The following FN1 variants were observed in gnomAD, a reference collection of about 807,000 sequenced individuals.
The protein encoded by FN1 is fibronectin 1.
Under a neutral mutation model 297.3 loss-of-function variants are expected in FN1, and 106 were observed. The ratio of observed to expected loss-of-function variants is 0.36; its 90% CI spans 0.30 to 0.42. FN1 has a LOEUF of 0.42. Ranked by LOEUF, FN1 falls within the 10% of genes least tolerant of loss-of-function variation. The pLI, the probability that FN1 is intolerant of heterozygous loss-of-function variation, is 1.00. For synonymous variants in FN1, 1,149 were observed against 1,152.6 expected (o/e 1.00, Z 0.06); for missense variants, 2,690 against 3,124.9 (o/e 0.86, Z 3.32).
chr2:215,390,780 G>A (rs1171456204), intron 26 of FN1, among the ~76,000 whole-genome samples: 1 of 152,124 alleles, frequency 6.6e-6, no homozygotes, highest in African/African-American at 2.4e-5. Flanking sequence ...TTATGGTCAC[G>A]CTGAGCTGCT....
intron 25 of FN1, 135 bp downstream of exon 25, chr2:215,392,796 T>TC (rs891687336): frequency 1.9e-5 from 18 of 944,860 alleles, no homozygotes; most frequent in African/African-American, 1.3e-4. Context: ...TGATTCCTTA[T>TC]CCCCCCAATC....
In FN1 at chr2:215,385,248, TAAAA is replaced by T. The variant is rs10542238; in HGVS notation, c.4613-276_4613-273del. Reference sequence around the variant, plus strand: ...AAAAATTTCAAAACTACAGAAAAGTTAAAAAAAAAAAAAAAAAAAAAAGTGATAC... The same window carrying T: ...AAAAATTTCAAAACTACAGAAAAGTTAAAAAAAAAAAAAAAAAAGTGATAC... On this transcript the variant is annotated intron_variant, in intron 28 of 45. Coordinates refer to ENST00000354785, the MANE Select transcript of FN1 (RefSeq NM_212482.4). Among the ~76,000 whole-genome samples the T allele has an allele frequency of 0.28, 35,971 of 128,046 alleles. 5,517 individuals carry two copies. Among genetic ancestry groups the T allele is most frequent in the East Asian group, 0.75 (3,471 of 4,616 alleles). The allele number at this position is 128,046 out of a possible 152,430, so 84.0% of individuals were successfully genotyped here.
At chr2:215,375,550 G>T (rs980360131) in intron 37 of FN1, 79 bp downstream of exon 37, 90 of 1,236,526 alleles carry the variant, frequency 7.3e-5, no homozygotes, top group Admixed American at 1.6e-4. Context: ...AAAAATATAC[G>T]CCTCACATTT....
At chr2:215,425,606 G>T (rs1439167675) in intron 6 of FN1, among the ~76,000 whole-genome samples, 1 of 152,146 alleles carries the variant, frequency 6.6e-6, no homozygotes, top group Admixed American at 6.5e-5. Flanking sequence ...AGGCTGGAGT[G>T]CAGTGGCGCG....
At chr2:215,381,193 T>A in intron 32 of FN1, 113 bp from the exon 33 acceptor site, 1 of 1,027,556 alleles carries the variant, frequency 9.7e-7, no homozygotes, top group Non-Finnish European at 1.5e-6. Context: ...GAAGTCCAAT[T>A]AACCCACTAT....
chr2:215,370,477 G>A, intron 40 of FN1, 45 bp from the exon 41 acceptor site: 1 of 1,535,866 alleles, frequency 6.5e-7, no homozygotes, highest in Admixed American at 1.7e-5. Flanking sequence ...GCATTATAGT[G>A]AGGAATGACA....
intron 19 of FN1, among the ~76,000 whole-genome samples, chr2:215,405,193 GGT>G (rs746931906): frequency 6.6e-6 from 1 of 152,194 alleles, no homozygotes; most frequent in Non-Finnish European, 1.5e-5. Flanking sequence ...GTAGGATACT[GGT>G]GAGTTTGCAC....
rs1184312841 is a variant in FN1 at position 215,377,079 on chromosome 2, AGAGT to A, written c.5711-409_5711-406del. Among the ~76,000 whole-genome samples the A allele has an allele frequency of 6.1e-4, 46 of 75,142 alleles. No homozygotes were observed. In the East Asian group the frequency reaches 0.019, roughly 32 times the overall value. 49.3% of individuals were successfully genotyped at this position (75,142 alleles called of 152,430 possible). ...GTGTATGTGTGTGTGAGAGAGAGAG[AGAGT>A]GTGTGTGTGTGTGTGTGTGTGTGTG... is the stretch of plus-strand genomic sequence containing the variant. On this transcript the variant is annotated intron_variant, in intron 35 of 45. Coordinates refer to ENST00000354785, the MANE Select transcript of FN1 (RefSeq NM_212482.4).
chr2:215,398,118 C>T (rs1362573847), intron 21 of FN1, among the ~76,000 whole-genome samples: 2 of 152,198 alleles, frequency 1.3e-5, no homozygotes, highest in Non-Finnish European at 2.9e-5. Flanking sequence ...GATAAAGAAT[C>T]TCTTGTTACA....
chr2:215,434,007 CAGG>C (rs2106546746), intron 2 of FN1, among the ~76,000 whole-genome samples: 1 of 152,320 alleles, frequency 6.6e-6, no homozygotes, highest in South Asian at 2.1e-4. Context: ...GAGGCTGAGG[CAGG>C]AGAATTGCTT....
intron 5 of FN1, 51 bp downstream of exon 5, chr2:215,430,664 T>A: frequency 1.3e-6 from 2 of 1,597,988 alleles, no homozygotes; most frequent in Non-Finnish European, 1.7e-6. Context: ...TCTCTAGGAA[T>A]CCAGAAAACA....
intron 9 of FN1, among the ~76,000 whole-genome samples, chr2:215,422,812 C>T (rs1222489458): frequency 6.6e-6 from 1 of 152,206 alleles, no homozygotes; most frequent in Non-Finnish European, 1.5e-5. Flanking sequence ...AAAAGGTATT[C>T]GTTTCCATTT....
rs751500889 is a variant in FN1, at chr2:215,409,993, C to T, written c.2063G>A (p.Gly688Asp). 3 of 1,613,882 alleles carry T rather than the reference C, an allele frequency of 1.9e-6. No homozygotes were observed. Among genetic ancestry groups the T allele is most frequent in the Admixed American group, 1.7e-5 (1 of 59,998 alleles). Residue 688 changes from glycine to aspartate, a missense_variant, in exon 14 of 46, where the codon GGC becomes GAC. Physicochemically the swap from Gly to Asp is moderately conservative, Grantham distance 94. Transcript: ENST00000354785. ...EGQLISIQQYGHQEVTRFDFT... is the reference protein window; with the variant it reads ...EGQLISIQQYDHQEVTRFDFT... ...GTCAAAGCGAGTCACTTCTTGGTGG[C>T]CGTACTGCTGGATGCTGATGAGCTG...
Position 215,389,615 on chromosome 2 carries a change from C to G in FN1, c.4253-1314G>C, listed in dbSNP as rs185459288. Among the ~76,000 whole-genome samples the G allele has an allele frequency of 2.7e-3, 416 of 151,738 alleles. 1 individual carries two copies. The highest frequency in any genetic ancestry group is 4.5e-3 in the Non-Finnish European group (307 of 67,954). ...CCAGCCTGGCCAACATGGTGAAACC[C>G]CTCGTCTACTAAAAATACAAAAAAA... is the stretch of plus-strand genomic sequence containing the variant. On this transcript the variant is annotated intron_variant, in intron 26 of 45. Transcript: ENST00000354785.
In FN1 at chr2:215,435,789, G is replaced by A. The variant is rs754369776; in HGVS notation, c.14C>T (p.Pro5Leu). 13 of 1,563,096 alleles carry A rather than the reference G, an allele frequency of 8.3e-6. No individual in the cohort carries two copies. The highest frequency in any genetic ancestry group is 1.2e-5 in the South Asian group (1 of 86,128). The change falls in exon 1 of 46, where the codon CCG becomes CTG. Residue 5 changes from proline to leucine, a missense_variant. Physicochemically the swap from Pro to Leu is moderately conservative, Grantham distance 98 (BLOSUM62 -3). Coordinates refer to ENST00000354785, the MANE Select transcript of FN1 (RefSeq NM_212482.4). ...GGCCAGCAGCAGCAGCCCGGGCCCC[G>A]GACCCCTAAGCATGTTGAGACGGTG... MLRG[P>L]GPGLLLLAVQ...
Position 215,384,943 on chromosome 2 carries a change from G to A in FN1, c.4646C>T (p.Ala1549Val). The A allele has an allele frequency of 6.2e-7, 1 of 1,613,826 alleles. No individual in the cohort carries two copies. Among genetic ancestry groups the A allele is most frequent in the South Asian group, 1.1e-5 (1 of 91,068 alleles). ...SDVPRDLEVV[A>V]ATPTSLLISW... ...GATCAGTAGGCTGGTGGGGGTCGCA[G>A]CAACAACTTCCAGGTCCCTCGGAAC... The change falls in exon 29 of 46, where the codon GCT becomes GTT. Residue 1549 changes from alanine (A) to valine (V), a missense_variant. By Grantham distance (64) the Ala-to-Val change is moderately conservative. Transcript: ENST00000354785.
intron 35 of FN1, among the ~76,000 whole-genome samples, chr2:215,377,081 A>AGTGTGT (rs66762371): frequency 2.7e-5 from 4 of 147,340 alleles, no homozygotes; most frequent in Non-Finnish European, 6.0e-5. Flanking sequence ...AGAGAGAGAG[A>AGTGTGT]GTGTGTGTGT....
intron 10 of FN1, among the ~76,000 whole-genome samples, chr2:215,421,727 A>G (rs1316749101): frequency 2.0e-5 from 3 of 152,246 alleles, no homozygotes; most frequent in Admixed American, 2.0e-4. Flanking sequence ...TGATTTTAGA[A>G]TAGCAAGGTC....
At position 215,372,146 on chromosome 2, in the gene FN1, G is replaced by A; in HGVS notation, c.6477C>T (p.Pro2159=). The part of the protein sequence containing the change: ...RRTTPPTTAT[P]IRHRPRPYPP... Reference sequence around the variant, plus strand: ...GGTATGGTCTTGGCCTATGCCTTATGGGGGTGGCCGTTGTGGGCGGTGTGG... The same window carrying A: ...GGTATGGTCTTGGCCTATGCCTTATAGGGGTGGCCGTTGTGGGCGGTGTGG... The change falls in exon 40 of 46, where the codon CCC becomes CCT. Residue 2159 remains proline, a synonymous_variant. Coordinates refer to ENST00000354785, the MANE Select transcript of FN1 (RefSeq NM_212482.4). The A allele has an allele frequency of 6.2e-7, 1 of 1,614,226 alleles. No individual in the cohort carries two copies. Among genetic ancestry groups the A allele is most frequent in the East Asian group, 2.2e-5 (1 of 44,882 alleles).
Sources: allele counts gnomAD v4.1 joint callset (sites outside exome capture counted in the v4.1 genomes callset), GRCh38; gene constraint gnomAD v4.1.1; transcripts MANE v1.5; gene names NCBI Gene and HGNC (gene_info 2026-07-23, HGNC 2026-07-21).